Variants in MEI4 observed in about 807,000 individuals in gnomAD.
MEI4 encodes the protein meiotic double-stranded break formation protein 4, also known as meiosis-specific protein MEI4.
In MEI4, 27 loss-of-function variants were observed where a neutral mutation model predicts 31.4. The observed-to-expected ratio is 0.86, with a 90% CI of 0.63 to 1.19. The LOEUF (loss-of-function observed/expected upper bound fraction) is 1.19, where lower values mean the gene tolerates loss of function less well. Ranked by LOEUF, MEI4 falls within the 50% of genes most tolerant of loss-of-function variation. The probability of loss-of-function intolerance (pLI) is 0.00; values close to 1 mark genes in which losing one functional copy is unlikely to be tolerated. For synonymous variants in MEI4, 122 were observed against 145.4 expected, an observed-to-expected ratio of 0.84 and a Z score of 1.16; for missense variants, 329 against 398.9, an observed-to-expected ratio of 0.82 and a Z score of 1.49.
intron 3 of MEI4, among the ~76,000 whole-genome samples, chr6:77,783,887 T>A (rs1489020946): frequency 6.6e-6 from 1 of 152,170 alleles, no homozygotes; most frequent in African/African-American, 2.4e-5. Context: ...GTTTAGTTTT[T>A]ATATTTTGCC....
chr6:77,698,578 G>T (rs1372779235), intron 2 of MEI4, among the ~76,000 whole-genome samples: 1 of 152,166 alleles, frequency 6.6e-6, no homozygotes, highest in Non-Finnish European at 1.5e-5. Context: ...TTTTCTTTAA[G>T]AATGTTGAAT....
Position 77,924,542 on chromosome 6 carries a change from G to A in MEI4, c.*1196G>A, listed in dbSNP as rs1766800409. ...TCTCAGATATATGCAGGTCACTCAA[G>A]GATCAGCTGATTTGGACTGGACTTG... On this transcript the variant is annotated 3_prime_UTR_variant, in exon 5 of 5. Transcript: ENST00000684080. 6.6e-6 allele frequency: 1 copy of A among 151,792 alleles called. No homozygotes were observed. The highest frequency in any genetic ancestry group is 2.1e-4 in the South Asian group (1 of 4,816). 9.4% of individuals were successfully genotyped at this position (151,792 alleles called of 1,614,324 possible).
intron 4 of MEI4, among the ~76,000 whole-genome samples, chr6:77,913,036 ATCAAATGTTTTATCTGCATCTAT>A (rs1253365383): frequency 2.6e-5 from 4 of 152,124 alleles, no homozygotes; most frequent in Non-Finnish European, 5.9e-5. Context: ...GTTGAATGTA[ATCAAATGTTTTATCTGCATCTAT>A]TGAGATGATC....
chr6:77,879,691 G>A (rs1420605322), intron 4 of MEI4, among the ~76,000 whole-genome samples: 1 of 152,114 alleles, frequency 6.6e-6, no homozygotes, highest in African/African-American at 2.4e-5. Context: ...GGCCATCTGC[G>A]GTATATACTT....
At chr6:77,917,778 A>C (rs1039173592) in intron 4 of MEI4, among the ~76,000 whole-genome samples, 62 of 151,166 alleles carry the variant, frequency 4.1e-4, no homozygotes, top group East Asian at 7.9e-4. Context: ...TTAATGAGAT[A>C]CCATTTGTCA....
chr6:77,862,747 C>A (rs1438709985), intron 4 of MEI4, among the ~76,000 whole-genome samples: 1 of 152,184 alleles, frequency 6.6e-6, no homozygotes. Flanking sequence ...CAGCACGCAG[C>A]TGGGGATCTG....
chr6:77,847,454 C>A lies in MEI4; in HGVS notation c.900+18392C>A, dbSNP rs7738695. ...CTGCCATGATGAGGTCTATCAGTCACTGAAAAGAAGTCAGCAGAGTCATTT... is the reference window on the plus strand; with the variant it reads ...CTGCCATGATGAGGTCTATCAGTCAATGAAAAGAAGTCAGCAGAGTCATTT... On this transcript the variant is annotated intron_variant, in intron 4 of 4. Transcript: ENST00000684080. This position sits in a 1 kb window ranked among gnomAD's most constrained non-coding sequence, Gnocchi z 4.6. 3.0e-4 allele frequency among the ~76,000 whole-genome samples: 46 copies of A among 152,186 alleles called. No homozygotes were observed. The highest frequency in any genetic ancestry group is 1.1e-3 in the African/African-American group (45 of 41,540).
At chr6:77,807,247 T>TA (rs1237843888) in intron 3 of MEI4, among the ~76,000 whole-genome samples, 2 of 152,042 alleles carry the variant, frequency 1.3e-5, no homozygotes, top group African/African-American at 4.8e-5. Flanking sequence ...AGATTTCAGT[T>TA]AAAATCTAAT....
intron 4 of MEI4, among the ~76,000 whole-genome samples, chr6:77,898,956 G>A (rs1374820397): frequency 6.6e-6 from 1 of 151,942 alleles, no homozygotes; most frequent in Non-Finnish European, 1.5e-5. Context: ...AGGGAACTCT[G>A]GCATAGTGCA....
At chr6:77,839,236 T>C (rs1449676763) in intron 4 of MEI4, among the ~76,000 whole-genome samples, 1 of 152,102 alleles carries the variant, frequency 6.6e-6, no homozygotes, top group African/African-American at 2.4e-5. Flanking sequence ...GGTTTTGTAA[T>C]GGTTATGTAA....
intron 3 of MEI4, among the ~76,000 whole-genome samples, chr6:77,800,523 A>G (rs972765215): frequency 1.3e-5 from 2 of 152,202 alleles, no homozygotes; most frequent in African/African-American, 2.4e-5. Context: ...AACTTCCAAC[A>G]CTGTGTTGAA....
chr6:77,761,077 A>G (rs1021426698), intron 2 of MEI4, 53 bp from the exon 3 acceptor site: 1 of 1,175,136 alleles, frequency 8.5e-7, no homozygotes, highest in Non-Finnish European at 1.1e-6. Context: ...CTAGTTTTAC[A>G]TGAAGAAATT....
intron 2 of MEI4, among the ~76,000 whole-genome samples, chr6:77,694,552 G>C (rs1427336622): frequency 3.3e-5 from 5 of 151,882 alleles, no homozygotes; most frequent in Admixed American, 1.3e-4. Context: ...TGAGAATGAT[G>C]GTTTCCAATT....
At chr6:77,766,012 A>C (rs560299369) in intron 3 of MEI4, among the ~76,000 whole-genome samples, 1 of 151,664 alleles carries the variant, frequency 6.6e-6, no homozygotes, top group South Asian at 2.1e-4. Flanking sequence ...GGGGACCATC[A>C]GCTGATTTTC....
At chr6:77,767,294 C>T (rs771100472) in intron 3 of MEI4, among the ~76,000 whole-genome samples, 3 of 151,816 alleles carry the variant, frequency 2.0e-5, no homozygotes, top group African/African-American at 4.8e-5. Context: ...GCAGGAGAAT[C>T]GCTTGAACCC....
intron 2 of MEI4, among the ~76,000 whole-genome samples, chr6:77,760,745 C>A (rs1394481242): frequency 6.6e-6 from 1 of 152,086 alleles, no homozygotes; most frequent in Non-Finnish European, 1.5e-5. Context: ...TTTATAGTTC[C>A]CTCAGTAAAT....
chr6:77,917,810 G>A lies in MEI4; in HGVS notation c.901-5279G>A, dbSNP rs184405795. ...GTCAATTTTGTCTTTTCTTGCCATT[G>A]CTTTTGGTGTTTTGGACATGAAGTC... On this transcript the variant is annotated intron_variant, in intron 4 of 4. Coordinates refer to ENST00000684080, the MANE Select transcript of MEI4 (RefSeq NM_001322247.2). 7.8e-4 allele frequency among the ~76,000 whole-genome samples: 117 copies of A among 150,908 alleles called. 1 individual carries two copies. In the East Asian group the frequency reaches 0.021, roughly 27 times the overall value.
At chr6:77,880,415 T>G (rs1223282935) in intron 4 of MEI4, among the ~76,000 whole-genome samples, 3 of 152,150 alleles carry the variant, frequency 2.0e-5, no homozygotes, top group Non-Finnish European at 2.9e-5. Flanking sequence ...GTATTTTTAG[T>G]AGAGACGGGG....
intron 1 of MEI4, among the ~76,000 whole-genome samples, chr6:77,655,479 T>C (rs1360480165): frequency 1.3e-5 from 2 of 152,196 alleles, no homozygotes; most frequent in African/African-American, 4.8e-5. Flanking sequence ...AATATAATCT[T>C]AATCCTTTTT....
Sources: gnomAD v4.1 joint callset for allele counts (sites outside exome capture counted in the v4.1 genomes callset) on GRCh38, gnomAD v4.1.1 for gene constraint, Gnocchi (gnomAD v3.1) non-coding constraint, MANE v1.5 for transcripts, NCBI Gene and HGNC (gene_info 2026-07-23, HGNC 2026-07-21) for gene names.